The following SAMSN1 variants were observed in gnomAD, a reference collection of about 807,000 sequenced individuals.
SAMSN1 encodes the protein SAM domain, SH3 domain and nuclear localization signals 1, also known as SAM domain-containing protein SAMSN-1.
A neutral mutation model predicts 42.0 loss-of-function variants in SAMSN1; 31 were observed. The ratio of observed to expected loss-of-function variants is 0.74; its 90% CI spans 0.55 to 1.00. The LOEUF (loss-of-function observed/expected upper bound fraction) is 1.00, where lower values mean the gene tolerates loss of function less well. SAMSN1 is among the 50% of genes least tolerant of loss of function. The pLI is 0.00. For synonymous variants in SAMSN1, 178 were observed against 151.9 expected (o/e 1.17, Z -1.26); for missense variants, 464 against 439.4 (o/e 1.06, Z -0.50).
At chr21:14,498,317 C>T (rs2274796) in intron 7 of SAMSN1, 125 bp downstream of exon 7, 467,052 of 759,884 alleles carry the variant, frequency 0.61, 147,460 homozygotes, top group African/African-American at 0.82. Context: ...ATGAAAATAC[C>T]TATTTTATGG....
At chr21:14,527,233 A>G (rs1978921427) in intron 1 of SAMSN1, among the ~76,000 whole-genome samples, 1 of 152,214 alleles carries the variant, frequency 6.6e-6, no homozygotes, top group African/African-American at 2.4e-5. Flanking sequence ...CTGAATCTCA[A>G]TAAGCTTGTC....
At chr21:14,578,007 G>C (rs1981562757) in intron 2 of SAMSN1, among the ~76,000 whole-genome samples, 1 of 152,046 alleles carries the variant, frequency 6.6e-6, no homozygotes, top group Admixed American at 6.5e-5. Flanking sequence ...ACATTTCCCT[G>C]TCTGATTCCG....
intron 7 of SAMSN1, among the ~76,000 whole-genome samples, chr21:14,495,066 T>C (rs916716298): frequency 1.3e-5 from 2 of 152,362 alleles, no homozygotes; most frequent in Non-Finnish European, 2.9e-5. Context: ...CATCATTCAA[T>C]GATCAAAATA....
chr21:14,504,500 G>T (rs1477720079), intron 5 of SAMSN1, among the ~76,000 whole-genome samples: 1 of 152,136 alleles, frequency 6.6e-6, no homozygotes, highest in African/African-American at 2.4e-5. Context: ...GTAGAAGAAA[G>T]AAATTCAGAG....
intron 2 of SAMSN1, among the ~76,000 whole-genome samples, chr21:14,631,645 G>A (rs569791531): frequency 4.6e-5 from 7 of 152,246 alleles, no homozygotes; most frequent in East Asian, 3.9e-4. Context: ...GATTACAGGC[G>A]TAAGCCACCA....
At chr21:14,569,949 A>G (rs1981242632) in intron 2 of SAMSN1, among the ~76,000 whole-genome samples, 1 of 150,168 alleles carries the variant, frequency 6.7e-6, no homozygotes, top group Non-Finnish European at 1.5e-5. Flanking sequence ...TAAAAGTCAA[A>G]TTTGTTTTTA....
At chr21:14,526,801 G>A (rs921950052) in intron 1 of SAMSN1, among the ~76,000 whole-genome samples, 3 of 152,110 alleles carry the variant, frequency 2.0e-5, no homozygotes, top group East Asian at 3.9e-4. Flanking sequence ...AAACTAACTC[G>A]GTTTCCTAGA....
intron 2 of SAMSN1, among the ~76,000 whole-genome samples, chr21:14,567,625 C>G (rs1981164695): frequency 6.6e-6 from 1 of 152,120 alleles, no homozygotes; most frequent in South Asian, 2.1e-4. Flanking sequence ...TCATAAAGAC[C>G]TTGAGTACTG....
chr21:14,505,714 G>A (rs139310514), intron 5 of SAMSN1, among the ~76,000 whole-genome samples: 197 of 152,162 alleles, frequency 1.3e-3, no homozygotes, highest in African/African-American at 4.6e-3. Flanking sequence ...CAACAAAGAA[G>A]CAATGGATTT....
chr21:14,567,175 C>T (rs1882918), intron 2 of SAMSN1, among the ~76,000 whole-genome samples: 19 of 151,870 alleles, frequency 1.3e-4, no homozygotes, highest in Non-Finnish European at 2.8e-4. Flanking sequence ...TGTACCAGGG[C>T]GGTGTTGTCA....
Position 14,500,528 on chromosome 21 carries a change from C to A in SAMSN1, c.768+1G>T. On this transcript the variant is annotated splice_donor_variant, in intron 6 of 7. Transcript: ENST00000400566. LOFTEE classifies it high-confidence loss of function. ...AGCAAACAGAACACAGATTTGCTCA[C>A]CTGCAGATGAATCCTCTCTAGGAAC... The A allele has an allele frequency of 6.2e-7, 1 of 1,613,104 alleles. No homozygotes were observed.
intron 1 of SAMSN1, among the ~76,000 whole-genome samples, chr21:14,644,027 C>T (rs898736153): frequency 6.6e-6 from 1 of 152,190 alleles, no homozygotes; most frequent in African/African-American, 2.4e-5. Flanking sequence ...AGGTTGAGTG[C>T]CTGCAAACCT....
intron 5 of SAMSN1, among the ~76,000 whole-genome samples, chr21:14,510,064 G>A (rs113388017): frequency 0.047 from 7,125 of 151,720 alleles, 538 homozygotes; most frequent in African/African-American, 0.16. Flanking sequence ...GCGTGAACCC[G>A]GGAGGTGGAG....
At chr21:14,568,243 G>T (rs891334907) in intron 2 of SAMSN1, among the ~76,000 whole-genome samples, 21 of 152,098 alleles carry the variant, frequency 1.4e-4, no homozygotes, top group African/African-American at 5.1e-4. Flanking sequence ...TAAGTGTTCA[G>T]GTTTATAAGG....
rs182509755 is a variant in SAMSN1 at position 14,523,890 on chromosome 21, A to C, written c.58-2669T>G. 1.2e-4 allele frequency among the ~76,000 whole-genome samples: 18 copies of C among 152,296 alleles called. No homozygotes were observed. In the East Asian group the frequency reaches 3.5e-3, roughly 29 times the overall value. On this transcript the variant is annotated intron_variant, in intron 1 of 7. Transcript: ENST00000400566. ...ATCAATAAAGAAAAGCAGATTTAGG[A>C]GTCGTGGTTTAAGAAGGACACTGGA...
At chr21:14,579,518 C>A (rs745668743) in intron 2 of SAMSN1, among the ~76,000 whole-genome samples, 1 of 152,018 alleles carries the variant, frequency 6.6e-6, no homozygotes, top group Non-Finnish European at 1.5e-5. Context: ...AAGAAATATG[C>A]TTTATCTGGA....
At chr21:14,517,563 A>AT (rs1224494711) in intron 2 of SAMSN1, among the ~76,000 whole-genome samples, 1 of 151,964 alleles carries the variant, frequency 6.6e-6, no homozygotes, top group Non-Finnish European at 1.5e-5. Context: ...GAAATGTTAG[A>AT]TTTTTTTTCA....
intron 7 of SAMSN1, among the ~76,000 whole-genome samples, chr21:14,590,967 C>T (rs1003975706): frequency 1.3e-5 from 2 of 152,072 alleles, no homozygotes; most frequent in African/African-American, 4.8e-5. Flanking sequence ...TCAATGCAAA[C>T]ACATGAAAAC....
intron 7 of SAMSN1, among the ~76,000 whole-genome samples, chr21:14,493,525 A>G (rs764463023): frequency 6.6e-6 from 1 of 151,892 alleles, no homozygotes; most frequent in Non-Finnish European, 1.5e-5. Flanking sequence ...TATTCTAAAG[A>G]GGACTTCAGA....
Sources: gnomAD v4.1 joint callset for allele counts (sites outside exome capture counted in the v4.1 genomes callset) on GRCh38, gnomAD v4.1.1 for gene constraint, MANE v1.5 for transcripts, NCBI Gene and HGNC (gene_info 2026-07-23, HGNC 2026-07-21) for gene names.